SCAMP4: variants seen among roughly 807,000 people sequenced by gnomAD.
SCAMP4 encodes secretory carrier-associated membrane protein 4.
In SCAMP4, 19 loss-of-function variants were observed where a neutral mutation model predicts 32.1. That is an observed-to-expected ratio of 0.59 (90% CI 0.41 to 0.87). SCAMP4 has a LOEUF of 0.87. Among genes scored for constraint, SCAMP4 ranks in the 40% least tolerant of loss-of-function variants. SCAMP4 has a pLI of 0.00. For missense variants in SCAMP4, 302 were observed against 309.0 expected (o/e 0.98, Z 0.17); for synonymous variants, 152 against 132.7 (o/e 1.15, Z -1.00).
chr19:1,915,036 G>T lies in SCAMP4; in HGVS notation c.7+10G>T. 1 of 1,613,758 alleles carries T rather than the reference G, an allele frequency of 6.2e-7. No homozygotes were observed. Among genetic ancestry groups the T allele is most frequent in the South Asian group, 1.1e-5 (1 of 91,078 alleles). On this transcript the variant is annotated intron_variant, in intron 2 of 6. Coordinates refer to ENST00000316097, the MANE Select transcript of SCAMP4 (RefSeq NM_079834.4). ...GAAACAGAGATGTCAGGTGAGTCCT[G>T]CCTGCCTGGGAGCCTCCAGCAGCGT... is the stretch of plus-strand genomic sequence containing the variant.
At chr19:1,913,232 C>T (rs1019498543) in intron 1 of SCAMP4, 10 of 1,447,420 alleles carry the variant, frequency 6.9e-6, no homozygotes, top group African/African-American at 2.9e-5. Context: ...CGATTTCTTC[C>T]GCACAAGCCT....
intron 1 of SCAMP4, chr19:1,911,944 C>T (rs2013472642): frequency 1.5e-6 from 2 of 1,376,134 alleles, no homozygotes; most frequent in African/African-American, 1.5e-5. Context: ...GGGCCGGAGC[C>T]CTCGGACTAG....
intron 5 of SCAMP4, chr19:1,921,605 G>A (rs1168126505): frequency 6.1e-6 from 6 of 985,340 alleles, no homozygotes; most frequent in South Asian, 9.4e-5. Flanking sequence ...AGCTGCGGGG[G>A]CGGCGGCAGG....
At chr19:1,912,136 T>TGGAGGCCG (rs1284626721) in intron 1 of SCAMP4, 5 of 1,557,450 alleles carry the variant, frequency 3.2e-6, no homozygotes, top group African/African-American at 1.4e-5. Context: ...CCCAAGTGCT[T>TGGAGGCCG]GGAGGCCGGG....
chr19:1,922,543 GT>G, intron 5 of SCAMP4: 1 of 985,508 alleles, frequency 1.0e-6, no homozygotes, highest in Non-Finnish European at 1.2e-6. Context: ...CCTCCTCATT[GT>G]TTCTAATGGT....
At chr19:1,905,627 T>TGCGCGTGCGCGC (rs1462620501) in intron 1 of SCAMP4, 188 bp downstream of exon 1, 2 of 161,110 alleles carry the variant, frequency 1.2e-5, no homozygotes, top group South Asian at 4.0e-4. Flanking sequence ...GCGGCGCGAA[T>TGCGCGTGCGCGC]GCGCGTGCGC....
chr19:1,909,525 G>A (rs903001104), intron 1 of SCAMP4, among the ~76,000 whole-genome samples: 5 of 151,892 alleles, frequency 3.3e-5, no homozygotes, highest in African/African-American at 1.2e-4. Context: ...GGATGGTAAC[G>A]GCTTTACTGC....
At position 1,925,689 on chromosome 19, in the gene SCAMP4, C is replaced by T. The variant is rs1202081143; in HGVS notation, c.*1405C>T. 6.5e-6 allele frequency: 1 copy of T among 152,830 alleles called. No homozygotes were observed. The highest frequency in any genetic ancestry group is 2.4e-5 in the African/African-American group (1 of 41,408). 9.5% of individuals were successfully genotyped at this position (152,830 alleles called of 1,614,324 possible). A position where few individuals can be genotyped will look rare whatever the true frequency, so the allele number is the denominator to read the frequency against. ...GACGCCTGCTGCCCTGGAGCCCTCC[C>T]CAGGATGTGAGCCAGTCCCCTCGCT... On this transcript the variant is annotated 3_prime_UTR_variant, in exon 7 of 7. Coordinates refer to ENST00000316097, the MANE Select transcript of SCAMP4 (RefSeq NM_079834.4).
chr19:1,912,625 T>C (rs1435811318), intron 1 of SCAMP4: 3 of 1,460,820 alleles, frequency 2.1e-6, no homozygotes. Flanking sequence ...CAGAGCCACA[T>C]GGAGCGGGCG....
At chr19:1,912,144 G>T (rs749004308) in intron 1 of SCAMP4, 1 of 1,562,410 alleles carries the variant, frequency 6.4e-7, no homozygotes, top group Non-Finnish European at 8.6e-7. Context: ...CTTGGAGGCC[G>T]GGAGCCCGGA....
chr19:1,922,381 T>G (rs147313973), intron 5 of SCAMP4: 121 of 683,320 alleles, frequency 1.8e-4, no homozygotes, highest in South Asian at 6.5e-5. Context: ...ATTACAGGCA[T>G]GCGCCCTCAT....
chr19:1,905,798 C>T (rs888265205), intron 1 of SCAMP4: 1 of 152,532 alleles, frequency 6.6e-6, no homozygotes, highest in Non-Finnish European at 1.5e-5. Context: ...AGTCCCCTGC[C>T]TCTGAACCGC....
chr19:1,920,046 C>T (rs562999032), intron 5 of SCAMP4: 41 of 633,512 alleles, frequency 6.5e-5, no homozygotes, highest in Middle Eastern at 8.3e-4. Context: ...CTCCTAACCT[C>T]GTGATCCACC....
At chr19:1,921,105 G>C in intron 5 of SCAMP4, 1 of 985,444 alleles carries the variant, frequency 1.0e-6, no homozygotes, top group Non-Finnish European at 1.2e-6. Context: ...GCGACTTCAT[G>C]TCCACCGTTG....
At chr19:1,920,811 G>A (rs2013894656) in intron 5 of SCAMP4, 2 of 985,424 alleles carry the variant, frequency 2.0e-6, no homozygotes, top group African/African-American at 1.7e-5. Context: ...GGGTGGACAG[G>A]CCTGTGCCCG....
chr19:1,913,563 G>C (rs2013616041), intron 1 of SCAMP4: 1 of 206,596 alleles, frequency 4.8e-6, no homozygotes, highest in Non-Finnish European at 9.7e-6. Flanking sequence ...TGTGGTCAGA[G>C]ACCTGGGCTG....
intron 5 of SCAMP4, chr19:1,922,010 G>A: frequency 1.0e-6 from 1 of 985,482 alleles, no homozygotes. Flanking sequence ...TGTGGGTCCT[G>A]CGGGCTGCCT....
At chr19:1,921,035 A>G in intron 5 of SCAMP4, 1 of 985,416 alleles carries the variant, frequency 1.0e-6, no homozygotes, top group Admixed American at 6.1e-5. Context: ...AAAGAAACCC[A>G]GCGGGTCTTA....
intron 6 of SCAMP4, among the ~76,000 whole-genome samples, 191 bp from the exon 7 acceptor site, chr19:1,923,917 G>A (rs1227989081): frequency 1.0e-5 from 1 of 97,024 alleles, no homozygotes; most frequent in Non-Finnish European, 2.9e-5. Context: ...GAGCCACCGT[G>A]CCCGGCCTAT....
Sources: gnomAD v4.1 joint callset for allele counts (sites outside exome capture counted in the v4.1 genomes callset) on GRCh38, gnomAD v4.1.1 for gene constraint, MANE v1.5 for transcripts, NCBI Gene and HGNC (gene_info 2026-07-23, HGNC 2026-07-21) for gene names.